The following DPPA3 variants were observed in gnomAD, a reference collection of about 807,000 sequenced individuals.
DPPA3 encodes developmental pluripotency associated 3.
In DPPA3, 9 loss-of-function variants were observed where a neutral mutation model predicts 15.6. The ratio of observed to expected loss-of-function variants is 0.58; its 90% CI spans 0.35 to 1.01. The LOEUF (loss-of-function observed/expected upper bound fraction) is 1.01, where lower values mean the gene tolerates loss of function less well. Among genes scored for constraint, DPPA3 ranks in the 50% least tolerant of loss-of-function variants. The pLI is 0.02. For synonymous variants in DPPA3, 61 were observed against 70.9 expected, an observed-to-expected ratio of 0.86 and a Z score of 0.70; for missense variants, 148 against 194.6, an observed-to-expected ratio of 0.76 and a Z score of 1.42.
intron 2 of DPPA3, 85 bp from the exon 3 acceptor site, chr12:7,716,113 C>T: frequency 8.2e-7 from 1 of 1,220,584 alleles, no homozygotes; most frequent in South Asian, 1.4e-5. Flanking sequence ...AACAAATTCC[C>T]TAGCTTCTCT....
At chr12:7,713,707 T>G (rs1420355564) in intron 1 of DPPA3, among the ~76,000 whole-genome samples, 1 of 152,172 alleles carries the variant, frequency 6.6e-6, no homozygotes, top group African/African-American at 2.4e-5. Context: ...TAACAGCCAC[T>G]TACTTCGACT....
chr12:7,715,129 T>C, intron 1 of DPPA3, 54 bp from the exon 2 acceptor site: 1 of 1,610,394 alleles, frequency 6.2e-7, no homozygotes, highest in Non-Finnish European at 8.5e-7. Context: ...ACCTAGTTGA[T>C]GTGTGAATGT....
intron 1 of DPPA3, 58 bp downstream of exon 1, chr12:7,711,710 A>G: frequency 8.4e-7 from 1 of 1,195,814 alleles, no homozygotes; most frequent in East Asian, 2.8e-5. Flanking sequence ...GGAGGTCAAA[A>G]GGCTGCCGTC....
At chr12:7,714,233 A>T (rs1864374596) in intron 1 of DPPA3, among the ~76,000 whole-genome samples, 1 of 151,262 alleles carries the variant, frequency 6.6e-6, no homozygotes, top group Non-Finnish European at 1.5e-5. Context: ...CCGTCTTAAT[A>T]ATAATAATAA....
intron 1 of DPPA3, among the ~76,000 whole-genome samples, chr12:7,714,013 A>G (rs113507694): frequency 0.032 from 4,885 of 152,124 alleles, 116 homozygotes; most frequent in South Asian, 0.044. Flanking sequence ...ACCCTGTCTC[A>G]AAAAATAACA....
At chr12:7,715,594 G>A (rs1222025158) in intron 2 of DPPA3, among the ~76,000 whole-genome samples, 167 bp downstream of exon 2, 2 of 151,856 alleles carry the variant, frequency 1.3e-5, no homozygotes, top group African/African-American at 4.8e-5. Context: ...ACAGGAGTTC[G>A]AAACCAGCCT....
At chr12:7,716,121 T>C (rs1864396382) in intron 2 of DPPA3, 77 bp from the exon 3 acceptor site, 3 of 1,268,962 alleles carry the variant, frequency 2.4e-6, no homozygotes, top group Admixed American at 4.8e-5. Context: ...CCCTAGCTTC[T>C]CTCCCTTATA....
intron 1 of DPPA3, among the ~76,000 whole-genome samples, chr12:7,714,155 G>A (rs1000359829): frequency 2.0e-5 from 3 of 152,050 alleles, no homozygotes; most frequent in African/African-American, 4.8e-5. Flanking sequence ...GCGTGAACCC[G>A]GGAGGCGGAG....
chr12:7,716,051 C>G, intron 2 of DPPA3, 147 bp from the exon 3 acceptor site: 1 of 691,286 alleles, frequency 1.4e-6, no homozygotes, highest in Non-Finnish European at 2.4e-6. Flanking sequence ...TGCAGTGAGC[C>G]ATGATTGCTC....
intron 3 of DPPA3, 126 bp from the exon 4 acceptor site, chr12:7,716,841 G>A (rs1193121080): frequency 1.2e-6 from 1 of 865,322 alleles, no homozygotes; most frequent in Non-Finnish European, 1.9e-6. Context: ...TTTGGCCCGT[G>A]TGTCCTTTTT....
At chr12:7,715,785 A>G (rs1171645070) in intron 2 of DPPA3, among the ~76,000 whole-genome samples, 1 of 152,142 alleles carries the variant, frequency 6.6e-6, no homozygotes, top group Non-Finnish European at 1.5e-5. Flanking sequence ...CAACAAGAAC[A>G]AAACAAGCGT....
intron 1 of DPPA3, among the ~76,000 whole-genome samples, 193 bp downstream of exon 1, chr12:7,711,845 G>A (rs1010706944): frequency 1.3e-5 from 2 of 150,320 alleles, no homozygotes; most frequent in Non-Finnish European, 3.0e-5. Context: ...ATTAAAAGCG[G>A]TGATGGTGGT....
chr12:7,716,606 TTCAC>T (rs141110028), intron 3 of DPPA3, among the ~76,000 whole-genome samples: 2 of 17,312 alleles, frequency 1.2e-4, no homozygotes, highest in Non-Finnish European at 5.3e-4. Context: ...GGTTGATACT[TTCAC>T]GTGCTGTCAC....
chr12:7,711,716 C>T (rs999074), intron 1 of DPPA3, 64 bp downstream of exon 1: 72,610 of 597,190 alleles, frequency 0.12, 5,684 homozygotes, highest in Admixed American at 0.3. Flanking sequence ...CAAAAGGCTG[C>T]CGTCTTTTTT....
intron 1 of DPPA3, among the ~76,000 whole-genome samples, chr12:7,714,535 C>T (rs1034453491): frequency 1.3e-5 from 2 of 151,054 alleles, no homozygotes; most frequent in Non-Finnish European, 3.0e-5. Context: ...TTTTTTGAGA[C>T]GGAGTTTTGC....
intron 1 of DPPA3, among the ~76,000 whole-genome samples, chr12:7,711,911 TTTTTTTTTC>T (rs1291752571): frequency 8.8e-6 from 1 of 113,016 alleles, no homozygotes; most frequent in Non-Finnish European, 1.7e-5. Flanking sequence ...GATTTCTTTC[TTTTTTTTTC>T]TTTTTTTTTT....
At chr12:7,716,939 A>T (rs774165527) in intron 3 of DPPA3, 28 bp from the exon 4 acceptor site, 2 of 1,568,214 alleles carry the variant, frequency 1.3e-6, no homozygotes, top group South Asian at 2.2e-5. Flanking sequence ...CAATATTCCA[A>T]TTAATCCATT....
intron 1 of DPPA3, among the ~76,000 whole-genome samples, chr12:7,713,178 G>A (rs1864363726): frequency 6.6e-6 from 1 of 152,236 alleles, no homozygotes. Flanking sequence ...GGTGTCTAGG[G>A]TGGTGGCGGC....
Position 7,711,563 on chromosome 12 carries a change from A to G in DPPA3, c.-8A>G, listed in dbSNP as rs1592080093. 1.2e-6 allele frequency: 2 copies of G among 1,612,572 alleles called. No individual in the cohort carries two copies. Among genetic ancestry groups the G allele is most frequent in the East Asian group, 2.2e-5 (1 of 44,778 alleles). On this transcript the variant is annotated 5_prime_UTR_variant, in exon 1 of 4. Transcript: ENST00000345088. ...CCTGGAGAAGCCTAGTGTTGTGTCAAGACGCCGATGGACCCATCACAGTTT... is the reference window on the plus strand; with the variant it reads ...CCTGGAGAAGCCTAGTGTTGTGTCAGGACGCCGATGGACCCATCACAGTTT...
Sources: allele counts gnomAD v4.1 joint callset (sites outside exome capture counted in the v4.1 genomes callset), GRCh38; gene constraint gnomAD v4.1.1; transcripts MANE v1.5; gene names NCBI Gene and HGNC (gene_info 2026-07-23, HGNC 2026-07-21).